Variants in SYN3 observed in about 807,000 individuals in gnomAD.
SYN3 encodes the protein synapsin-3.
In SYN3, 35 loss-of-function variants were observed where a neutral mutation model predicts 65.8. The ratio of observed to expected loss-of-function variants is 0.53; its 90% CI spans 0.41 to 0.70. The LOEUF is 0.70. SYN3 is among the 30% of genes least tolerant of loss of function. SYN3 has a pLI of 0.00. For synonymous variants in SYN3, 270 were observed against 292.9 expected, an observed-to-expected ratio of 0.92 and a Z score of 0.80; for missense variants, 680 against 749.0, an observed-to-expected ratio of 0.91 and a Z score of 1.08.
At chr22:33,019,149 A>G (rs117261192) in intron 1 of SYN3, among the ~76,000 whole-genome samples, 1,582 of 152,302 alleles carry the variant, frequency 0.01, 18 homozygotes, top group Middle Eastern at 0.037. Context: ...TATCCCTAGG[A>G]TAAAGGACAC....
At chr22:32,942,708 A>T (rs2050978189) in intron 3 of SYN3, among the ~76,000 whole-genome samples, 1 of 152,220 alleles carries the variant, frequency 6.6e-6, no homozygotes, top group Admixed American at 6.5e-5. Context: ...AAAAGATTAG[A>T]CAAATGGCTA....
chr22:33,011,969 T>C (rs1006495347), intron 1 of SYN3, among the ~76,000 whole-genome samples: 2 of 152,190 alleles, frequency 1.3e-5, no homozygotes, highest in South Asian at 2.1e-4. Context: ...AATTTATAAA[T>C]TGTATTACTC....
At chr22:32,889,323 C>T (rs925473675) in intron 4 of SYN3, among the ~76,000 whole-genome samples, 1 of 151,914 alleles carries the variant, frequency 6.6e-6, no homozygotes, top group African/African-American at 2.4e-5. Flanking sequence ...AACACTCTTG[C>T]TTCAGGGGGG....
chr22:32,895,271 T>TA (rs1209390922), intron 4 of SYN3, among the ~76,000 whole-genome samples: 1 of 152,224 alleles, frequency 6.6e-6, no homozygotes, highest in Non-Finnish European at 1.5e-5. Flanking sequence ...ACTCTGGACT[T>TA]AGACTGGGAC....
At chr22:32,818,273 C>T (rs1477812336) in intron 6 of SYN3, among the ~76,000 whole-genome samples, 1 of 152,186 alleles carries the variant, frequency 6.6e-6, no homozygotes, top group Non-Finnish European at 1.5e-5. Flanking sequence ...GGACATGGCT[C>T]TGCTGGGCAA....
At chr22:32,859,301 A>C in intron 6 of SYN3, 1 of 1,614,184 alleles carries the variant, frequency 6.2e-7, no homozygotes, top group Non-Finnish European at 8.5e-7. Flanking sequence ...TGCATCCGGC[A>C]GAAGGGCGGC....
At chr22:32,662,902 A>T (rs1486638463) in intron 6 of SYN3, among the ~76,000 whole-genome samples, 1 of 152,238 alleles carries the variant, frequency 6.6e-6, no homozygotes, top group Non-Finnish European at 1.5e-5. Context: ...CATTTTACAG[A>T]TGAGGAAGAC....
At chr22:32,619,357 T>C (rs2146736579) in intron 6 of SYN3, among the ~76,000 whole-genome samples, 1 of 152,308 alleles carries the variant, frequency 6.6e-6, no homozygotes, top group East Asian at 1.9e-4. Context: ...AATACCAGCC[T>C]TTGATCCCAA....
chr22:32,860,325 T>C (rs1400103145), intron 6 of SYN3: 1 of 152,624 alleles, frequency 6.6e-6, no homozygotes, highest in Non-Finnish European at 1.5e-5. Flanking sequence ...TAGATTTGGG[T>C]AGAGGATACT....
intron 4 of SYN3, among the ~76,000 whole-genome samples, chr22:32,911,123 A>G (rs1484738448): frequency 6.6e-6 from 1 of 152,226 alleles, no homozygotes; most frequent in Non-Finnish European, 1.5e-5. Context: ...AATGATGACT[A>G]TAGTGATTTA....
chr22:32,748,520 G>A (rs777791360), intron 6 of SYN3, among the ~76,000 whole-genome samples: 4 of 152,186 alleles, frequency 2.6e-5, no homozygotes, highest in Non-Finnish European at 5.9e-5. Context: ...GTAAAAAGTT[G>A]ATCTTCCCCT....
At chr22:33,052,562 T>G (rs1325994619) in intron 1 of SYN3, among the ~76,000 whole-genome samples, 1 of 147,478 alleles carries the variant, frequency 6.8e-6, no homozygotes, top group Non-Finnish European at 1.5e-5. Context: ...TGCTGTATAC[T>G]CACACCTAGC....
At chr22:32,817,958 C>G (rs1054313172) in intron 6 of SYN3, among the ~76,000 whole-genome samples, 11 of 152,130 alleles carry the variant, frequency 7.2e-5, no homozygotes, top group Non-Finnish European at 1.6e-4. Flanking sequence ...ATCATTTTAC[C>G]GATAGGAGCA....
intron 1 of SYN3, among the ~76,000 whole-genome samples, chr22:33,044,489 T>C (rs1307626211): frequency 1.3e-5 from 2 of 151,858 alleles, no homozygotes; most frequent in Non-Finnish European, 2.9e-5. Flanking sequence ...TCCCATCCCA[T>C]CCCTAAACAG....
At chr22:32,603,356 C>CAAGA (rs71322656) in intron 6 of SYN3, among the ~76,000 whole-genome samples, 1 of 125,968 alleles carries the variant, frequency 7.9e-6, no homozygotes, top group African/African-American at 2.9e-5. Context: ...ACTAAAAATA[C>CAAGA]AAAAAAAAAA....
chr22:32,980,389 G>A (rs890009429), intron 3 of SYN3, among the ~76,000 whole-genome samples: 3 of 152,280 alleles, frequency 2.0e-5, no homozygotes, highest in Middle Eastern at 3.4e-3. Context: ...GCAGCTCTAC[G>A]TGTCTCTCTT....
intron 6 of SYN3, among the ~76,000 whole-genome samples, chr22:32,684,075 A>G (rs1372270339): frequency 3.3e-5 from 5 of 152,206 alleles, no homozygotes; most frequent in African/African-American, 1.2e-4. Flanking sequence ...ATCAAATATG[A>G]TGCATAGATT....
rs577804048 is a variant in SYN3, at chr22:32,721,177, C to T, written c.712-124441G>A. ...CGTCAGCTTTGCCAGCACATTCCTTCGGCTCCTTTTATCTCCTGGGTGGAG... is the reference window on the plus strand; with the variant it reads ...CGTCAGCTTTGCCAGCACATTCCTTTGGCTCCTTTTATCTCCTGGGTGGAG... On this transcript the variant is annotated intron_variant, in intron 6 of 13. Coordinates refer to ENST00000358763, the MANE Select transcript of SYN3 (RefSeq NM_003490.4). 5.2e-4 allele frequency among the ~76,000 whole-genome samples: 79 copies of T among 152,310 alleles called. 2 individuals carry two copies. Among genetic ancestry groups the T allele is most frequent in the Admixed American group, 4.5e-3 (69 of 15,308 alleles).
At chr22:32,965,184 G>C (rs1450089895) in intron 3 of SYN3, among the ~76,000 whole-genome samples, 1 of 152,190 alleles carries the variant, frequency 6.6e-6, no homozygotes, top group African/African-American at 2.4e-5. Flanking sequence ...AAACTGCTTA[G>C]AGGATGGCTT....
Sources: gnomAD v4.1 joint callset for allele counts (sites outside exome capture counted in the v4.1 genomes callset) on GRCh38, gnomAD v4.1.1 for gene constraint, MANE v1.5 for transcripts, NCBI Gene and HGNC (gene_info 2026-07-23, HGNC 2026-07-21) for gene names.